ABCC9: variants seen among roughly 807,000 people sequenced by gnomAD.
ABCC9 encodes ATP binding cassette subfamily C member 9.
A neutral mutation model predicts 188.3 loss-of-function variants in ABCC9; 95 were observed. The ratio of observed to expected loss-of-function variants is 0.50; its 90% CI spans 0.43 to 0.60. The LOEUF is 0.60. Among genes scored for constraint, ABCC9 ranks in the 20% least tolerant of loss-of-function variants. The probability of loss-of-function intolerance (pLI) is 0.00; values close to 1 mark genes in which losing one functional copy is unlikely to be tolerated. For synonymous variants in ABCC9, 659 were observed against 652.7 expected (o/e 1.01, Z -0.15); for missense variants, 1,102 against 1,876.3 (o/e 0.59, Z 7.62).
chr12:21,899,048 T>G (rs912148343), intron 12 of ABCC9, among the ~76,000 whole-genome samples: 3 of 152,148 alleles, frequency 2.0e-5, no homozygotes, highest in Admixed American at 6.5e-5. Flanking sequence ...TTTTTAACCC[T>G]TTTCCCGTTT....
At chr12:21,806,367 A>G (rs959900802) in intron 38 of ABCC9, among the ~76,000 whole-genome samples, 4 of 152,214 alleles carry the variant, frequency 2.6e-5, no homozygotes, top group African/African-American at 9.6e-5. Context: ...TATACCACAA[A>G]AAGTATGTAT....
At chr12:21,849,677 C>T (rs921227311) in intron 24 of ABCC9, among the ~76,000 whole-genome samples, 1 of 152,096 alleles carries the variant, frequency 6.6e-6, no homozygotes, top group Non-Finnish European at 1.5e-5. Flanking sequence ...ATATTAAGCT[C>T]ATTATAGGTT....
At chr12:21,932,466 A>G (rs1949327944) in intron 4 of ABCC9, among the ~76,000 whole-genome samples, 2 of 152,056 alleles carry the variant, frequency 1.3e-5, no homozygotes, top group Non-Finnish European at 2.9e-5. Flanking sequence ...GAAACTATCA[A>G]CAGAGTAAAA....
At position 21,941,043 on chromosome 12, in the gene ABCC9, T is replaced by C. The variant is rs186427005; in HGVS notation, c.-137+157A>G. On this transcript the variant is annotated intron_variant, in intron 1 of 39. Transcript: ENST00000261200. This position sits in a 1 kb window ranked among gnomAD's most constrained non-coding sequence, Gnocchi z 5.4. ...TCTCGAGCCGGGCCTCGTCCCTTAA[T>C]TCTAGAAATAGCGATCGCGAAAGCT... 1.6e-4 allele frequency among the ~76,000 whole-genome samples: 24 copies of C among 152,298 alleles called. No individual in the cohort carries two copies. In the East Asian group the frequency reaches 4.3e-3, roughly 27 times the overall value.
At chr12:21,836,101 T>C (rs1235872849) in intron 30 of ABCC9, among the ~76,000 whole-genome samples, 2 of 152,190 alleles carry the variant, frequency 1.3e-5, no homozygotes, top group Non-Finnish European at 1.5e-5. Flanking sequence ...CGGTCCTTAG[T>C]TCCTTATCCT....
At chr12:21,930,461 T>C (rs1949239205) in intron 4 of ABCC9, among the ~76,000 whole-genome samples, 1 of 152,086 alleles carries the variant, frequency 6.6e-6, no homozygotes, top group African/African-American at 2.4e-5. Context: ...AGGAAAGAAG[T>C]TAAATGATTG....
At chr12:21,802,068 G>T (rs1318019919) in intron 39 of ABCC9, among the ~76,000 whole-genome samples, 1 of 152,164 alleles carries the variant, frequency 6.6e-6, no homozygotes. Flanking sequence ...TCAGTGTTAT[G>T]GTTAAGAGAA....
At chr12:21,855,686 G>T (rs1483744981) in intron 22 of ABCC9, among the ~76,000 whole-genome samples, 1 of 152,182 alleles carries the variant, frequency 6.6e-6, no homozygotes, top group Non-Finnish European at 1.5e-5. Context: ...AGGCCTGAGA[G>T]AAAGCACCTT....
chr12:21,893,971 T>C, intron 14 of ABCC9, 61 bp downstream of exon 14: 7 of 1,547,708 alleles, frequency 4.5e-6, no homozygotes, highest in Non-Finnish European at 6.2e-6. Flanking sequence ...CAAATACTCC[T>C]ATTAGCACAC....
chr12:21,875,484 C>T (rs1330864600), intron 17 of ABCC9, among the ~76,000 whole-genome samples, 170 bp downstream of exon 17: 2 of 152,128 alleles, frequency 1.3e-5, no homozygotes, highest in African/African-American at 4.8e-5. Flanking sequence ...CTTATCATTT[C>T]CAGCCATTCC....
Position 21,848,154 on chromosome 12 carries a change from G to A in ABCC9, c.2862C>T (p.Asp954=), listed in dbSNP as rs2291550. 561 of 1,613,090 alleles carry A rather than the reference G, an allele frequency of 3.5e-4. 2 individuals carry two copies. The East Asian group carries it at 0.011, about 30-fold the overall frequency. The change falls in exon 25 of 40, where the codon GAC becomes GAT. Residue 954 remains aspartate (D), a synonymous_variant. Transcript: ENST00000261200. ...GATAAAAGAAAAAAGATCTACCTTC[G>A]TCTTCGTCCTCCATCTGGGCTTTGG... The part of the protein sequence containing the change: ...REAKAQMEDE[D]EEEEEEEDED...
chr12:21,866,773 T>C (rs1945803277), intron 18 of ABCC9, among the ~76,000 whole-genome samples: 1 of 152,164 alleles, frequency 6.6e-6, no homozygotes, highest in South Asian at 2.1e-4. Flanking sequence ...GAGTTAGCAC[T>C]TAGGCAGTCA....
At position 21,852,553 on chromosome 12, in the gene ABCC9, A is replaced by G. The variant is rs956703637; in HGVS notation, c.2506-48T>C. On this transcript the variant is annotated intron_variant, in intron 22 of 39. Coordinates refer to ENST00000261200, the MANE Select transcript of ABCC9 (RefSeq NM_020297.4). ...AAGATGGACGTTTTCTATACTTGTT[A>G]CATAACTCAATTCCTCTCGAAAATA... The G allele has an allele frequency of 3.8e-6, 6 of 1,596,450 alleles. No individual in the cohort carries two copies. The African/African-American group carries it at 8.0e-5, about 21-fold the overall frequency.
intron 18 of ABCC9, among the ~76,000 whole-genome samples, chr12:21,866,535 G>A (rs1945792122): frequency 2.0e-5 from 3 of 152,120 alleles, no homozygotes; most frequent in South Asian, 4.1e-4. Flanking sequence ...CTGCTAAACA[G>A]TAAGCTTCAT....
chr12:21,847,884 T>G (rs1944764643), intron 25 of ABCC9, among the ~76,000 whole-genome samples: 2 of 152,188 alleles, frequency 1.3e-5, no homozygotes, highest in African/African-American at 4.8e-5. Context: ...CTAGATCTAT[T>G]TAGAATCCAC....
intron 11 of ABCC9, among the ~76,000 whole-genome samples, chr12:21,907,058 C>T (rs1948079904): frequency 6.6e-6 from 1 of 151,994 alleles, no homozygotes; most frequent in Non-Finnish European, 1.5e-5. Flanking sequence ...TAGGAGAAAG[C>T]AAAAGTAGCA....
chr12:21,800,077 T>A lies in ABCC9; in HGVS notation c.*967A>T, dbSNP rs1393984847. Reference sequence around the variant, plus strand: ...GCTAGAAATAGACACTTGTTTTATATATATATAACTTCAAAGTGTAAGATA... The same window carrying A: ...GCTAGAAATAGACACTTGTTTTATAAATATATAACTTCAAAGTGTAAGATA... On this transcript the variant is annotated 3_prime_UTR_variant, in exon 40 of 40. Transcript: ENST00000261200. 6.6e-6 allele frequency: 1 copy of A among 152,186 alleles called. No homozygotes were observed. The highest frequency in any genetic ancestry group is 1.5e-5 in the Non-Finnish European group (1 of 68,022). The allele number at this position is 152,186 out of a possible 1,614,324, so 9.4% of individuals were successfully genotyped here.
At chr12:21,817,165 C>T in intron 33 of ABCC9, 22 bp downstream of exon 33, 4 of 1,610,400 alleles carry the variant, frequency 2.5e-6, no homozygotes, top group South Asian at 1.1e-5. Context: ...TTAAGTGAGA[C>T]AAACAATATT....
At chr12:21,865,230 T>C (rs697252) in intron 18 of ABCC9, among the ~76,000 whole-genome samples, 57,593 of 151,900 alleles carry the variant, frequency 0.38, 11,839 homozygotes, top group African/African-American at 0.55. Flanking sequence ...AAATTGATTC[T>C]ATTTGACTTT....
Sources: gnomAD v4.1 joint callset for allele counts (sites outside exome capture counted in the v4.1 genomes callset) on GRCh38, gnomAD v4.1.1 for gene constraint, Gnocchi (gnomAD v3.1) non-coding constraint, MANE v1.5 for transcripts, NCBI Gene and HGNC (gene_info 2026-07-23, HGNC 2026-07-21) for gene names.